ACYP2: variants seen among roughly 807,000 people sequenced by gnomAD.
ACYP2 encodes the protein acylphosphatase-2.
Under a neutral mutation model 11.2 loss-of-function variants are expected in ACYP2, and 12 were observed. The observed-to-expected ratio is 1.08, with a 90% CI of 0.69 to 1.74. The LOEUF (loss-of-function observed/expected upper bound fraction) is 1.74. Ranked by LOEUF, ACYP2 falls within the 40% of genes most tolerant of loss-of-function variation. The pLI is 0.00. For synonymous variants in ACYP2, 43 were observed against 32.2 expected (o/e 1.33, Z -1.13); for missense variants, 134 against 101.9 (o/e 1.31, Z -1.35).
chr2:54,117,056 A>G lies in ACYP2; in HGVS notation c.278-18397A>G, dbSNP rs541001137. ...GTGGAAAAGGTTGTTTACTGAAACT[A>G]GAGGCGAGGAGAACGAGGAAGCTAG... On this transcript the variant is annotated intron_variant, in intron 4 of 6. Coordinates refer to ENST00000607452, the MANE Select transcript of ACYP2 (RefSeq NM_001320586.2). Among the ~76,000 whole-genome samples, 87 of 152,276 alleles carry G rather than the reference A, an allele frequency of 5.7e-4. 1 individual carries two copies. The highest frequency in any genetic ancestry group is 9.3e-4 in the Non-Finnish European group (63 of 68,020).
chr2:54,150,506 C>G (rs1322333705), intron 6 of ACYP2, among the ~76,000 whole-genome samples: 2 of 152,180 alleles, frequency 1.3e-5, no homozygotes, highest in Non-Finnish European at 2.9e-5. Flanking sequence ...ATTGTAGTCT[C>G]TGCCTCCTGG....
At chr2:54,046,992 C>T (rs1675561904) in intron 2 of ACYP2, among the ~76,000 whole-genome samples, 3 of 152,116 alleles carry the variant, frequency 2.0e-5, no homozygotes, top group Admixed American at 2.0e-4. Context: ...CCTCATAAGG[C>T]TGTTGTGAAG....
intron 2 of ACYP2, among the ~76,000 whole-genome samples, chr2:54,003,149 A>G (rs1672882124): frequency 6.6e-6 from 1 of 151,404 alleles, no homozygotes; most frequent in Admixed American, 6.6e-5. Flanking sequence ...GGCTCTCACC[A>G]TGTTGGCAGG....
chr2:53,985,904 G>C (rs1672013358), intron 2 of ACYP2, among the ~76,000 whole-genome samples: 2 of 152,128 alleles, frequency 1.3e-5, no homozygotes, highest in African/African-American at 4.8e-5. Context: ...AGGAAGCCGA[G>C]GTGGGAGGAG....
intron 4 of ACYP2, chr2:54,065,499 T>C (rs955245597): frequency 2.5e-6 from 1 of 398,544 alleles, no homozygotes; most frequent in African/African-American, 2.1e-5. Flanking sequence ...AATGCTTGGC[T>C]ATCCCTGATC....
At chr2:54,065,732 A>T (rs1676710231) in intron 4 of ACYP2, 1 of 382,978 alleles carries the variant, frequency 2.6e-6, no homozygotes, top group African/African-American at 2.1e-5. Context: ...AAGTGATATG[A>T]AGCATCTCAT....
intron 6 of ACYP2, among the ~76,000 whole-genome samples, chr2:54,169,681 A>C: frequency 6.6e-6 from 1 of 152,172 alleles, no homozygotes. Context: ...CATGAAACTT[A>C]CGGTTTTTTT....
intron 2 of ACYP2, among the ~76,000 whole-genome samples, chr2:54,048,052 T>A (rs1207794080): frequency 6.6e-6 from 1 of 152,232 alleles, no homozygotes; most frequent in African/African-American, 2.4e-5. Context: ...CTCTATTATT[T>A]AAGTCATTAG....
At chr2:54,035,112 C>T (rs1426765857) in intron 2 of ACYP2, among the ~76,000 whole-genome samples, 1 of 150,898 alleles carries the variant, frequency 6.6e-6, no homozygotes, top group Non-Finnish European at 1.5e-5. Flanking sequence ...TGGGCAAAAT[C>T]ACTTAACTTC....
chr2:54,073,186 A>T (rs1677155460), intron 4 of ACYP2, among the ~76,000 whole-genome samples: 1 of 152,206 alleles, frequency 6.6e-6, no homozygotes, highest in Non-Finnish European at 1.5e-5. Context: ...GGGTATCTAC[A>T]TACAAATGAA....
intron 6 of ACYP2, among the ~76,000 whole-genome samples, chr2:54,181,625 A>G (rs1683732642): frequency 6.6e-6 from 1 of 152,218 alleles, no homozygotes; most frequent in African/African-American, 2.4e-5. Flanking sequence ...TTCCAATGAT[A>G]TAATTTTAAG....
At chr2:54,182,311 GC>G (rs938451539) in intron 6 of ACYP2, among the ~76,000 whole-genome samples, 14 of 151,904 alleles carry the variant, frequency 9.2e-5, no homozygotes, top group Non-Finnish European at 1.5e-4. Flanking sequence ...ACCCGCCTCA[GC>G]CTCCCAAAGT....
At chr2:54,201,658 C>CT (rs1171395398) in intron 6 of ACYP2, among the ~76,000 whole-genome samples, 1 of 79,072 alleles carries the variant, frequency 1.3e-5, no homozygotes, top group Non-Finnish European at 2.9e-5. Context: ...TTCTTTCTTT[C>CT]TTTCTTTCTT....
At chr2:54,302,212 T>C (rs1029940746) in intron 6 of ACYP2, among the ~76,000 whole-genome samples, 1 of 152,196 alleles carries the variant, frequency 6.6e-6, no homozygotes, top group Non-Finnish European at 1.5e-5. Context: ...TCCCTTTTCA[T>C]TCTCTTGAGC....
intron 6 of ACYP2, among the ~76,000 whole-genome samples, chr2:54,195,510 A>G (rs1572916297): frequency 6.6e-6 from 1 of 152,056 alleles, no homozygotes; most frequent in South Asian, 2.1e-4. Flanking sequence ...CATGGCTCGC[A>G]TGGCAGTTCC....
chr2:53,991,759 A>T (rs763611119), intron 2 of ACYP2, among the ~76,000 whole-genome samples: 72 of 151,494 alleles, frequency 4.8e-4, no homozygotes, highest in Non-Finnish European at 3.1e-4. Context: ...AGGCACTCCG[A>T]CCTTCTCTCA....
In ACYP2 at chr2:54,118,342, T is replaced by C. The variant is rs371934782; in HGVS notation, c.278-17111T>C. 7.2e-5 allele frequency among the ~76,000 whole-genome samples: 11 copies of C among 152,290 alleles called. No homozygotes were observed. In the South Asian group the frequency reaches 1.7e-3, roughly 23 times the overall value. Reference sequence around the variant, plus strand: ...ATGGTCCACTAGAGACAAATGGCAGTAGTGAAGGAGTCTGTGTGTGTGTGT... The same window carrying C: ...ATGGTCCACTAGAGACAAATGGCAGCAGTGAAGGAGTCTGTGTGTGTGTGT... On this transcript the variant is annotated intron_variant, in intron 4 of 6. Coordinates refer to ENST00000607452, the MANE Select transcript of ACYP2 (RefSeq NM_001320586.2).
intron 4 of ACYP2, among the ~76,000 whole-genome samples, chr2:54,129,602 T>C (rs1680770164): frequency 6.7e-6 from 1 of 150,072 alleles, no homozygotes; most frequent in South Asian, 2.1e-4. Context: ...TACTATCTAT[T>C]ATATATAATA....
At chr2:53,975,788 C>T (rs533765085) in intron 2 of ACYP2, among the ~76,000 whole-genome samples, 25 of 152,118 alleles carry the variant, frequency 1.6e-4, no homozygotes, top group Non-Finnish European at 3.4e-4. Flanking sequence ...GCCAAGATCG[C>T]GCCACTGCAC....
Sources: allele counts gnomAD v4.1 joint callset (sites outside exome capture counted in the v4.1 genomes callset), GRCh38; gene constraint gnomAD v4.1.1; transcripts MANE v1.5; gene names NCBI Gene and HGNC (gene_info 2026-07-23, HGNC 2026-07-21).